PYCR2: variants seen among roughly 807,000 people sequenced by gnomAD.
The protein encoded by PYCR2 is pyrroline-5-carboxylate reductase 2.
A neutral mutation model predicts 23.4 loss-of-function variants in PYCR2; 17 were observed. The ratio of observed to expected loss-of-function variants is 0.73; its 90% CI spans 0.50 to 1.09. The LOEUF (loss-of-function observed/expected upper bound fraction) is 1.09. Among genes scored for constraint, PYCR2 ranks in the 50% least tolerant of loss-of-function variants. The probability of loss-of-function intolerance (pLI) is 0.00; values close to 1 mark genes in which losing one functional copy is unlikely to be tolerated. For synonymous variants in PYCR2, 172 were observed against 176.6 expected (o/e 0.97, Z 0.21); for missense variants, 380 against 423.5 (o/e 0.90, Z 0.90).
chr1:225,923,880 C>G (rs369797278), intron 1 of PYCR2, 109 bp from the exon 2 acceptor site: 1 of 1,525,724 alleles, frequency 6.6e-7, no homozygotes, highest in Non-Finnish European at 8.9e-7. Flanking sequence ...TCCCTCTCCC[C>G]CTCAACCCTC....
chr1:225,923,208 G>A (rs977569906), intron 2 of PYCR2: 2 of 266,174 alleles, frequency 7.5e-6, no homozygotes, highest in African/African-American at 2.3e-5. Context: ...CCAGGAGTTC[G>A]AGACCAGCCT....
At chr1:225,923,999 C>T (rs1559068775) in intron 1 of PYCR2, 45 bp downstream of exon 1, 2 of 1,531,914 alleles carry the variant, frequency 1.3e-6, no homozygotes, top group African/African-American at 1.4e-5. Context: ...CCCCCTCGGG[C>T]CTCGGGACCG....
intron 2 of PYCR2, 39 bp from the exon 3 acceptor site, chr1:225,922,422 C>G: frequency 3.2e-6 from 5 of 1,582,914 alleles, no homozygotes; most frequent in Non-Finnish European, 4.3e-6. Context: ...GCTGGAGCAG[C>G]CTGGCTATGC....
rs1170310825 is a variant in PYCR2 at position 225,922,006 on chromosome 1, C to T, written c.392G>A (p.Gly131Asp). 2 of 1,614,206 alleles carry T rather than the reference C, an allele frequency of 1.2e-6. No individual in the cohort carries two copies. The highest frequency in any genetic ancestry group is 1.7e-6 in the Non-Finnish European group (2 of 1,180,034). Residue 131 changes from glycine (G) to aspartate (D), a missense_variant, in exon 4 of 7, where the codon GGC becomes GAC. Gly to Asp is a moderately conservative substitution (Grantham distance 94). Transcript: ENST00000343818. ...MTNTPVVVQEGATVYATGTHA... is the reference protein window; with the variant it reads ...MTNTPVVVQEDATVYATGTHA... ...GGTGCCCGTGGCGTACACTGTAGCG[C>T]CTTCCTGCACTACCACAGGTGTGTT... is the stretch of plus-strand genomic sequence containing the variant.
rs779212231 is a variant in PYCR2, at chr1:225,921,511, T to C, written c.633+41A>G. 6 of 1,609,270 alleles carry C rather than the reference T, an allele frequency of 3.7e-6. No individual in the cohort carries two copies. In the Middle Eastern group the frequency reaches 6.6e-4, roughly 177 times the overall value. ...TTCAGTGATGCACAAGAACCCCCATTCTACACCCTGGTCCTGAACATGCGG... is the reference window on the plus strand; with the variant it reads ...TTCAGTGATGCACAAGAACCCCCATCCTACACCCTGGTCCTGAACATGCGG... On this transcript the variant is annotated intron_variant, in intron 5 of 6. Transcript: ENST00000343818. This position sits in a 1 kb window ranked among gnomAD's most constrained non-coding sequence, Gnocchi z 4.2.
intron 6 of PYCR2, among the ~76,000 whole-genome samples, 180 bp from the exon 7 acceptor site, chr1:225,920,800 T>C (rs1671814713): frequency 6.6e-6 from 1 of 152,184 alleles, no homozygotes; most frequent in Admixed American, 6.5e-5. Flanking sequence ...AAGTATTAGT[T>C]ACCTAAGTTA....
In PYCR2 at chr1:225,921,759, T is replaced by C; in HGVS notation, c.540+99A>G. 6.3e-7 allele frequency: 1 copy of C among 1,582,168 alleles called. No homozygotes were observed. ...GTCAGCATCCTGTACCAGCCAGCTGTGCCCAAGAGGTGGGCGCCACCCCCA... is the reference window on the plus strand; with the variant it reads ...GTCAGCATCCTGTACCAGCCAGCTGCGCCCAAGAGGTGGGCGCCACCCCCA... On this transcript the variant is annotated intron_variant, in intron 4 of 6. Transcript: ENST00000343818. The surrounding 1 kb of genome is among the most constrained non-coding windows in gnomAD (Gnocchi z 4.2).
At position 225,923,730 on chromosome 1, in the gene PYCR2, T is replaced by C. The variant is rs375354433; in HGVS notation, c.109A>G (p.Met37Val). The change falls in exon 2 of 7, where the codon ATG becomes GTG. Residue 37 changes from methionine (M) to valine (V), a missense_variant. Met to Val is a conservative substitution (Grantham distance 21, BLOSUM62 1). Transcript: ENST00000343818. Reference sequence around the variant, plus strand: ...AGCGCGGACACCGTGGGCAGGTTCATTTCTGGGGAGCTGGCTATTATCTTG... The same window carrying C: ...AGCGCGGACACCGTGGGCAGGTTCACTTCTGGGGAGCTGGCTATTATCTTG... ...AHKIIASSPEMNLPTVSALRK... is the reference protein window; with the variant it reads ...AHKIIASSPEVNLPTVSALRK... 7 of 1,614,016 alleles carry C rather than the reference T, an allele frequency of 4.3e-6. No individual in the cohort carries two copies. Among genetic ancestry groups the C allele is most frequent in the Non-Finnish European group, 5.9e-6 (7 of 1,180,016 alleles).
At chr1:225,922,181 G>T (rs769959580) in intron 3 of PYCR2, 23 bp downstream of exon 3, 1 of 1,609,260 alleles carries the variant, frequency 6.2e-7, no homozygotes, top group Non-Finnish European at 8.5e-7. Context: ...TCACACAAGG[G>T]GCATCAGGGC....
intron 1 of PYCR2, 78 bp downstream of exon 1, chr1:225,923,966 C>T: frequency 6.6e-7 from 1 of 1,509,612 alleles, no homozygotes. Context: ...CCCTTTCATT[C>T]GCTCATGCTG....
At chr1:225,922,176 C>A (rs906686027) in intron 3 of PYCR2, 28 bp downstream of exon 3, 2 of 1,608,552 alleles carry the variant, frequency 1.2e-6, no homozygotes, top group South Asian at 1.1e-5. Context: ...TCCCCTCACA[C>A]AAGGGGCATC....
At position 225,924,183 on chromosome 1, in the gene PYCR2, G is replaced by C; in HGVS notation, c.-73C>G. The stretch of plus-strand genomic sequence containing the variant: ...GGGACCGGAAGTAACGCTAGGGGAA[G>C]GGCGGACAGCGCAGGGGCGAACGGG... On this transcript the variant is annotated 5_prime_UTR_variant, in exon 1 of 7. Coordinates refer to ENST00000343818, the MANE Select transcript of PYCR2 (RefSeq NM_013328.4). The C allele has an allele frequency of 6.8e-7, 1 of 1,476,656 alleles. No individual in the cohort carries two copies. The highest frequency in any genetic ancestry group is 9.0e-7 in the Non-Finnish European group (1 of 1,107,334). The allele number at this position is 1,476,656 out of a possible 1,614,324, so 91.5% of individuals were successfully genotyped here. A position where few individuals can be genotyped will look rare whatever the true frequency, so the allele number is the denominator to read the frequency against.
rs1382012442 is a variant in PYCR2, at chr1:225,921,510, T to C, written c.633+42A>G. On this transcript the variant is annotated intron_variant, in intron 5 of 6. Coordinates refer to ENST00000343818, the MANE Select transcript of PYCR2 (RefSeq NM_013328.4). The surrounding 1 kb of genome is among the most constrained non-coding windows in gnomAD (Gnocchi z 4.2). ...GTTCAGTGATGCACAAGAACCCCCA[T>C]TCTACACCCTGGTCCTGAACATGCG... The C allele has an allele frequency of 3.1e-6, 5 of 1,608,370 alleles. No individual in the cohort carries two copies. The highest frequency in any genetic ancestry group is 3.3e-5 in the Admixed American group (2 of 59,954).
chr1:225,924,236 A>G lies in PYCR2; in HGVS notation c.-126T>C. 1.8e-6 allele frequency: 2 copies of G among 1,113,372 alleles called. No individual in the cohort carries two copies. The highest frequency in any genetic ancestry group is 2.5e-6 in the Non-Finnish European group (2 of 802,224). 69.0% of individuals were successfully genotyped at this position (1,113,372 alleles called of 1,614,324 possible). ...GCGTGCCGAGGACCGGCGAGCTAAC[A>G]GCAGCTTCTGGGATGGTGCAACCCT... On this transcript the variant is annotated 5_prime_UTR_variant, in exon 1 of 7. Coordinates refer to ENST00000343818, the MANE Select transcript of PYCR2 (RefSeq NM_013328.4).
Position 225,921,729 on chromosome 1 carries a change from C to T in PYCR2, c.541-85G>A. The T allele has an allele frequency of 1.3e-6, 2 of 1,585,088 alleles. No homozygotes were observed. Among genetic ancestry groups the T allele is most frequent in the Non-Finnish European group, 1.7e-6 (2 of 1,155,484 alleles). ...GCTTTCTGATGACTAGAACTAGCTC[C>T]AAGGGTCAGCATCCTGTACCAGCCA... On this transcript the variant is annotated intron_variant, in intron 4 of 6. Coordinates refer to ENST00000343818, the MANE Select transcript of PYCR2 (RefSeq NM_013328.4). This position sits in a 1 kb window ranked among gnomAD's most constrained non-coding sequence, Gnocchi z 4.2.
chr1:225,924,153 A>T lies in PYCR2; in HGVS notation c.-43T>A, dbSNP rs1400882038. The T allele has an allele frequency of 6.6e-6, 10 of 1,521,350 alleles. No individual in the cohort carries two copies. Among genetic ancestry groups the T allele is most frequent in the Non-Finnish European group, 8.8e-6 (10 of 1,136,570 alleles). The allele number at this position is 1,521,350 out of a possible 1,614,324, so 94.2% of individuals were successfully genotyped here. On this transcript the variant is annotated 5_prime_UTR_variant, in exon 1 of 7. Transcript: ENST00000343818. ...TCCTGGGAGCCGCACGAACCCCCTC[A>T]GCGAGGGACCGGAAGTAACGCTAGG...
In PYCR2 at chr1:225,921,535, G is replaced by T. The variant is rs766245660; in HGVS notation, c.633+17C>A. 2 of 1,613,566 alleles carry T rather than the reference G, an allele frequency of 1.2e-6. No homozygotes were observed. The highest frequency in any genetic ancestry group is 1.1e-5 in the South Asian group (1 of 91,080). On this transcript the variant is annotated intron_variant, in intron 5 of 6. Transcript: ENST00000343818. The surrounding 1 kb of genome is among the most constrained non-coding windows in gnomAD (Gnocchi z 4.2). ...TTCTACACCCTGGTCCTGAACATGC[G>T]GGGGAAAGATACTGACCAGCAAAGC...
At chr1:225,920,717 T>C in intron 6 of PYCR2, 97 bp from the exon 7 acceptor site, 1 of 1,402,396 alleles carries the variant, frequency 7.1e-7, no homozygotes, top group Admixed American at 1.8e-5. Flanking sequence ...AGCTTGTTGA[T>C]GTGACACCAC....
In PYCR2 at chr1:225,920,477, G is replaced by A. The variant is rs117063721; in HGVS notation, c.941C>T (p.Ala314Val). The A allele has an allele frequency of 1.4e-6, 2 of 1,467,142 alleles. No homozygotes were observed. Among genetic ancestry groups the A allele is most frequent in the Non-Finnish European group, 1.9e-6 (2 of 1,076,302 alleles). 90.9% of individuals were successfully genotyped at this position (1,467,142 alleles called of 1,614,324 possible). A position where few individuals can be genotyped will look rare whatever the true frequency, so the allele number is the denominator to read the frequency against. ...GCCTTAGTCCTTCTTGCCTCCCAGG[G>A]CCAGGCTTCTTGTGAGGAGCTTCCC... The part of the protein sequence containing the change: ...SPGKLLTRSL[A>V]LGGKKD Residue 314 changes from alanine to valine, a missense_variant, in exon 7 of 7, where the codon GCC becomes GTC. By Grantham distance (64) the Ala-to-Val change is moderately conservative. Coordinates refer to ENST00000343818, the MANE Select transcript of PYCR2 (RefSeq NM_013328.4).
Sources: gnomAD v4.1 joint callset for allele counts (sites outside exome capture counted in the v4.1 genomes callset) on GRCh38, gnomAD v4.1.1 for gene constraint, Gnocchi (gnomAD v3.1) non-coding constraint, MANE v1.5 for transcripts, NCBI Gene and HGNC (gene_info 2026-07-23, HGNC 2026-07-21) for gene names.